The following FOXK2 variants were observed in gnomAD, a reference collection of about 807,000 sequenced individuals.
The protein encoded by FOXK2 is forkhead box protein K2.
In FOXK2, 24 loss-of-function variants were observed where a neutral mutation model predicts 53.3. That is an observed-to-expected ratio of 0.45 (90% CI 0.33 to 0.63). FOXK2 has a LOEUF of 0.63. FOXK2 is among the 30% of genes least tolerant of loss of function. The pLI is 0.03. For synonymous variants in FOXK2, 505 were observed against 407.1 expected (o/e 1.24, Z -2.89); for missense variants, 952 against 910.5 (o/e 1.05, Z -0.59).
At chr17:82,527,458 G>A (rs535741500) in intron 1 of FOXK2, among the ~76,000 whole-genome samples, 3 of 151,896 alleles carry the variant, frequency 2.0e-5, no homozygotes, top group East Asian at 1.9e-4. Context: ...GCGAAACTCC[G>A]ACTCTACTAA....
At position 82,586,187 on chromosome 17, in the gene FOXK2, C is replaced by T. The variant is rs1390728104; in HGVS notation, c.1563C>T (p.His521=). 1 of 1,591,730 alleles carries T rather than the reference C, an allele frequency of 6.3e-7. No homozygotes were observed. Residue 521 remains histidine, a synonymous_variant, in exon 7 of 9, where the codon CAC becomes CAT. Coordinates refer to ENST00000335255, the MANE Select transcript of FOXK2 (RefSeq NM_004514.4). ...CAGAGGCCCAGGAGAATGGAGACCA[C>T]AGGGAAGTCAAAGGTAGGCGGAGGG... ...PKAEAQENGD[H]REVKVKVEPI...
chr17:82,564,384 TTTTG>T (rs796416861), intron 2 of FOXK2, among the ~76,000 whole-genome samples: 12 of 121,388 alleles, frequency 9.9e-5, no homozygotes, highest in South Asian at 3.1e-4. Context: ...GCTGGTTTTT[TTTTG>T]TTTGTTTGTT....
At position 82,596,761 on chromosome 17, in the gene FOXK2, T is replaced by C. The variant is rs949748299; in HGVS notation, c.1787-4542T>C. On this transcript the variant is annotated intron_variant, in intron 8 of 8. Coordinates refer to ENST00000335255, the MANE Select transcript of FOXK2 (RefSeq NM_004514.4). ...TTGAATCCAGAGTGTGTGGCAGAGCTGGCGGAGCCCCTCTTTCTTTGATCT... is the reference window on the plus strand; with the variant it reads ...TTGAATCCAGAGTGTGTGGCAGAGCCGGCGGAGCCCCTCTTTCTTTGATCT... Among the ~76,000 whole-genome samples, 6 of 152,352 alleles carry C rather than the reference T, an allele frequency of 3.9e-5. No individual in the cohort carries two copies. In the East Asian group the frequency reaches 9.7e-4, roughly 25 times the overall value.
chr17:82,594,057 C>A (rs897919256), intron 8 of FOXK2: 1 of 152,158 alleles, frequency 6.6e-6, no homozygotes, highest in South Asian at 2.1e-4. Context: ...GCTGCTCCGG[C>A]GTCTCTGTCC....
intron 8 of FOXK2, among the ~76,000 whole-genome samples, chr17:82,594,662 T>TCC (rs2045292047): frequency 6.6e-6 from 1 of 152,156 alleles, no homozygotes; most frequent in Non-Finnish European, 1.5e-5. Context: ...GTGGGGAACG[T>TCC]CCCCTTGTGA....
At chr17:82,584,268 G>A in intron 6 of FOXK2, 80 bp downstream of exon 6, 4 of 1,417,770 alleles carry the variant, frequency 2.8e-6, no homozygotes, top group Non-Finnish European at 2.8e-6. Context: ...AGAAGAAACA[G>A]CCGGACTGGA....
At chr17:82,528,037 G>T (rs912830525) in intron 1 of FOXK2, among the ~76,000 whole-genome samples, 1 of 152,066 alleles carries the variant, frequency 6.6e-6, no homozygotes, top group African/African-American at 2.4e-5. Context: ...TCCTCAAGCA[G>T]TCCCCCCACC....
chr17:82,541,739 C>G (rs564013357), intron 1 of FOXK2, among the ~76,000 whole-genome samples: 4 of 147,410 alleles, frequency 2.7e-5, no homozygotes, highest in African/African-American at 1.0e-4. Context: ...TAGATGGAGT[C>G]TTACTTTGTT....
intron 2 of FOXK2, among the ~76,000 whole-genome samples, chr17:82,566,712 C>A (rs750463412): frequency 6.6e-6 from 1 of 152,154 alleles, no homozygotes; most frequent in East Asian, 1.9e-4. Flanking sequence ...CTCCCAACTC[C>A]GCCTCTCCTC....
At chr17:82,521,127 T>C (rs941364638) in intron 1 of FOXK2, among the ~76,000 whole-genome samples, 1 of 152,172 alleles carries the variant, frequency 6.6e-6, no homozygotes, top group African/African-American at 2.4e-5. Context: ...GGGGCTCACT[T>C]CTAGATCATT....
intron 7 of FOXK2, 24 bp downstream of exon 7, chr17:82,586,224 AGGGG>A (rs2045145990): frequency 7.9e-7 from 1 of 1,263,144 alleles, no homozygotes; most frequent in African/African-American, 1.6e-5. Context: ...AAAGGAGGAG[AGGGG>A]AGACCACAGG....
chr17:82,599,095 T>A (rs936788725), intron 8 of FOXK2: 6 of 143,752 alleles, frequency 4.2e-5, no homozygotes, highest in African/African-American at 7.8e-5. Context: ...GCTGAGCAGC[T>A]TCTTTTTTTT....
intron 1 of FOXK2, among the ~76,000 whole-genome samples, chr17:82,540,581 A>G (rs950133098): frequency 4.6e-5 from 7 of 151,956 alleles, no homozygotes; most frequent in East Asian, 1.9e-4. Context: ...ACTCCAGTCC[A>G]GCACCCACCC....
chr17:82,548,039 C>T (rs1406652100), intron 1 of FOXK2, among the ~76,000 whole-genome samples: 2 of 152,208 alleles, frequency 1.3e-5, no homozygotes, highest in African/African-American at 4.8e-5. Flanking sequence ...CTACGGCTGA[C>T]TGTCTAGACA....
chr17:82,568,245 G>T (rs748997952), intron 3 of FOXK2, 44 bp downstream of exon 3: 2 of 1,604,408 alleles, frequency 1.2e-6, no homozygotes, highest in African/African-American at 2.7e-5. Context: ...GGGACAGTGT[G>T]TAGCCACAGG....
chr17:82,534,827 C>T lies in FOXK2; in HGVS notation c.419+14520C>T, dbSNP rs539148968. Among the ~76,000 whole-genome samples the T allele has an allele frequency of 2.0e-5, 3 of 152,322 alleles. No homozygotes were observed. The South Asian group carries it at 6.2e-4, about 32-fold the overall frequency. Reference sequence around the variant, plus strand: ...TTGTTCTCTCTTAAAAGTTGTTTTTCAGGCTATGCCTTTTCTTGTTGACAC... The same window carrying T: ...TTGTTCTCTCTTAAAAGTTGTTTTTTAGGCTATGCCTTTTCTTGTTGACAC... On this transcript the variant is annotated intron_variant, in intron 1 of 8. Transcript: ENST00000335255.
chr17:82,545,871 C>T (rs925271986), intron 1 of FOXK2, among the ~76,000 whole-genome samples: 7 of 151,682 alleles, frequency 4.6e-5, no homozygotes, highest in African/African-American at 1.2e-4. Flanking sequence ...CGTGAGCCAC[C>T]GCGCTTGGCC....
At chr17:82,599,111 T>G (rs370259670) in intron 8 of FOXK2, 2 of 151,050 alleles carry the variant, frequency 1.3e-5, no homozygotes, top group African/African-American at 4.9e-5. Flanking sequence ...TTTTTTTTTT[T>G]TTTTTTGAGA....
intron 1 of FOXK2, 150 bp from the exon 2 acceptor site, chr17:82,563,204 G>T: frequency 2.8e-6 from 2 of 713,660 alleles, no homozygotes; most frequent in Non-Finnish European, 4.5e-6. Context: ...GGTTTTGTTT[G>T]TTTGGCGACT....
Sources: allele counts gnomAD v4.1 joint callset (sites outside exome capture counted in the v4.1 genomes callset), GRCh38; gene constraint gnomAD v4.1.1; transcripts MANE v1.5; gene names NCBI Gene and HGNC (gene_info 2026-07-23, HGNC 2026-07-21).